The following AIFM3 variants were observed in gnomAD, a reference collection of about 807,000 sequenced individuals.
AIFM3 encodes the protein apoptosis-inducing factor 3.
Under a neutral mutation model 82.7 loss-of-function variants are expected in AIFM3, and 71 were observed. That is an observed-to-expected ratio of 0.86 (90% CI 0.71 to 1.05). The LOEUF is 1.05. AIFM3 is among the 50% of genes least tolerant of loss of function. AIFM3 has a pLI of 0.00. For synonymous variants in AIFM3, 337 were observed against 329.1 expected (o/e 1.02, Z -0.26); for missense variants, 748 against 816.7 (o/e 0.92, Z 1.03).
rs148068410 is a variant in AIFM3 at position 20,970,876 on chromosome 22, T to A, written c.32-2431T>A. Among the ~76,000 whole-genome samples, 940 of 152,390 alleles carry A rather than the reference T, an allele frequency of 6.2e-3. 11 individuals are homozygous for A. The highest frequency in any genetic ancestry group is 0.021 in the African/African-American group (892 of 41,592). On this transcript the variant is annotated intron_variant, in intron 2 of 20. Coordinates refer to ENST00000440238, the MANE Select transcript of AIFM3 (RefSeq NM_001386814.1). ...CCTTGGCCTCCCAAAGTGTTGGGAT[T>A]ACAGGCATGAGCCACCACACCTGGC... is the stretch of plus-strand genomic sequence containing the variant.
intron 3 of AIFM3, 37 bp downstream of exon 3, chr22:20,973,557 G>A (rs1457641421): frequency 6.3e-7 from 1 of 1,584,282 alleles, no homozygotes; most frequent in Non-Finnish European, 8.6e-7. Flanking sequence ...GGGATCAGGG[G>A]TCCCAAGGTG....
Position 20,973,843 on chromosome 22 carries a change from C to T in AIFM3, c.331C>T (p.His111Tyr). 6.4e-7 allele frequency: 1 copy of T among 1,556,708 alleles called. No individual in the cohort carries two copies. The highest frequency in any genetic ancestry group is 8.7e-7 in the Non-Finnish European group (1 of 1,149,602). The change falls in exon 4 of 21, where the codon CAC becomes TAC. Residue 111 changes from histidine to tyrosine, a missense_variant. His to Tyr is a moderately conservative substitution (Grantham distance 83). This residue lies in a region of AIFM3 where 148 missense variants were observed against 134.1 expected (regional missense o/e 1.10). Coordinates refer to ENST00000440238, the MANE Select transcript of AIFM3 (RefSeq NM_001386814.1). ...CCACGCCCTGGGCCATAAGTGTCCG[C>T]ACTACGGCGCACCCCTGGTGAAAGG... Reference protein sequence around the residue: ...EFHALGHKCPHYGAPLVKGVL... With the variant: ...EFHALGHKCPYYGAPLVKGVL...
Position 20,981,136 on chromosome 22 carries a change from C to A in AIFM3, c.*105C>A. The stretch of plus-strand genomic sequence containing the variant: ...AGTCCCAGGATCCCCCAGGGCAGAA[C>A]CTGAGCCCTCCCAGTGCTTGCCTTC... On this transcript the variant is annotated 3_prime_UTR_variant, in exon 21 of 21. Coordinates refer to ENST00000440238, the MANE Select transcript of AIFM3 (RefSeq NM_001386814.1). 1.3e-6 allele frequency: 2 copies of A among 1,503,796 alleles called. No homozygotes were observed. Among genetic ancestry groups the A allele is most frequent in the Non-Finnish European group, 1.8e-6 (2 of 1,100,894 alleles). 93.2% of individuals were successfully genotyped at this position (1,503,796 alleles called of 1,614,324 possible).
In AIFM3 at chr22:20,967,967, C is replaced by T. The variant is rs1386703173; in HGVS notation, c.23C>T (p.Pro8Leu). 6.2e-7 allele frequency: 1 copy of T among 1,614,004 alleles called. No individual in the cohort carries two copies. The highest frequency in any genetic ancestry group is 8.5e-7 in the Non-Finnish European group (1 of 1,179,978). Reference protein sequence around the residue: MGGCFSKPKPVELKIEVV... With the variant: MGGCFSKLKPVELKIEVV... ...GCCATGGGCGGCTGCTTCTCCAAAC[C>T]CAAACCAGGTACCTCCTGTCTTCTT... Residue 8 changes from proline to leucine, a missense_variant, in exon 2 of 21, where the codon CCC becomes CTC. Physicochemically the swap from Pro to Leu is moderately conservative, Grantham distance 98 (BLOSUM62 -3). Coordinates refer to ENST00000440238, the MANE Select transcript of AIFM3 (RefSeq NM_001386814.1).
In AIFM3 at chr22:20,976,395, G is replaced by A. The variant is rs748649192; in HGVS notation, c.900-13G>A. ...GCTGCCAGGAGGCCCTCACTGACAC[G>A]GCCATGTCTCAGCCCCAAGACTCTG... On this transcript the variant is annotated splice_polypyrimidine_tract_variant and intron_variant, in intron 10 of 20. Coordinates refer to ENST00000440238, the MANE Select transcript of AIFM3 (RefSeq NM_001386814.1). 25 of 1,613,698 alleles carry A rather than the reference G, an allele frequency of 1.5e-5. No homozygotes were observed. The highest frequency in any genetic ancestry group is 6.7e-5 in the East Asian group (3 of 44,868).
chr22:20,973,106 C>A, intron 2 of AIFM3, among the ~76,000 whole-genome samples: 1 of 152,086 alleles, frequency 6.6e-6, no homozygotes, highest in South Asian at 2.1e-4. Flanking sequence ...GGGAGCACCC[C>A]CACCCATCCA....
intron 2 of AIFM3, 85 bp downstream of exon 2, chr22:20,968,060 C>A: frequency 7.0e-7 from 1 of 1,433,382 alleles, no homozygotes; most frequent in Non-Finnish European, 9.5e-7. Flanking sequence ...CCTCTGCACT[C>A]GGTAGGCCTC....
chr22:20,973,462 A>G lies in AIFM3; in HGVS notation c.187A>G (p.Ser63Gly). The change falls in exon 3 of 21, where the codon AGC becomes GGC. Residue 63 changes from serine to glycine, a missense_variant. By Grantham distance (56) the Ser-to-Gly change is moderately conservative. Coordinates refer to ENST00000440238, the MANE Select transcript of AIFM3 (RefSeq NM_001386814.1). ...ERLSTPHPYP[S>G]PQDCVEAAVC... ...CCTGTCCACCCCTCACCCCTACCCC[A>G]GCCCTCAGGATTGCGTGGAGGCTGC... 6.2e-7 allele frequency: 1 copy of G among 1,613,126 alleles called. No individual in the cohort carries two copies. The highest frequency in any genetic ancestry group is 8.5e-7 in the Non-Finnish European group (1 of 1,179,982).
chr22:20,967,808 C>A lies in AIFM3; in HGVS notation c.-137C>A. The A allele has an allele frequency of 1.1e-6, 1 of 916,488 alleles. No individual in the cohort carries two copies. The highest frequency in any genetic ancestry group is 1.8e-6 in the Non-Finnish European group (1 of 565,542). 56.8% of individuals were successfully genotyped at this position (916,488 alleles called of 1,614,324 possible). On this transcript the variant is annotated 5_prime_UTR_variant, in exon 2 of 21. Coordinates refer to ENST00000440238, the MANE Select transcript of AIFM3 (RefSeq NM_001386814.1). ...ATGGCTCCAGTCTCCCCTGCAGGTC[C>A]TAGAGCAGCTCCAGCAGGATGGCGG... is the stretch of plus-strand genomic sequence containing the variant.
upstream of AIFM3, chr22:20,965,444 C>T: frequency 6.6e-6 from 1 of 152,344 alleles, no homozygotes; most frequent in Admixed American, 6.5e-5. Flanking sequence ...CGGGGCCCCA[C>T]TGTGTGCCAG....
intron 11 of AIFM3, 45 bp from the exon 12 acceptor site, chr22:20,976,606 G>A (rs565364047): frequency 1.6e-5 from 26 of 1,612,824 alleles, no homozygotes; most frequent in African/African-American, 9.3e-5. Flanking sequence ...AGTTCTGGTC[G>A]AGGAAGGTGC....
chr22:20,980,792 G>A (rs1924057635), intron 20 of AIFM3, 25 bp downstream of exon 20: 2 of 1,614,078 alleles, frequency 1.2e-6, no homozygotes, highest in East Asian at 2.2e-5. Flanking sequence ...CATGTTGACC[G>A]TTCTGAGCCT....
At position 20,977,958 on chromosome 22, in the gene AIFM3, A is replaced by ACAACCGCAAAGTG. The variant is rs1190646180; in HGVS notation, c.1431_1443dup (p.Asn482GlnfsTer74). ...GTCACCTTCCCCCTTGCCTGGAGGA[A>ACAACCGCAAAGTG]CAACCGCAAAGTGAACATTCCACAT... is the stretch of plus-strand genomic sequence containing the variant. On this transcript the variant is annotated frameshift_variant, in exon 16 of 21. Transcript: ENST00000440238. LOFTEE classifies it high-confidence loss of function. 6.2e-7 allele frequency: 1 copy of ACAACCGCAAAGTG among 1,614,132 alleles called. No individual in the cohort carries two copies. The highest frequency in any genetic ancestry group is 8.5e-7 in the Non-Finnish European group (1 of 1,180,010).
chr22:20,965,276 C>G (rs1922801847), upstream of AIFM3: 1 of 151,262 alleles, frequency 6.6e-6, no homozygotes, highest in South Asian at 2.0e-4. Flanking sequence ...GCCTCTTCGC[C>G]CCGGCGCCGG....
chr22:20,967,760 C>T, intron 1 of AIFM3, 45 bp from the exon 2 acceptor site: 1 of 626,182 alleles, frequency 1.6e-6, no homozygotes, highest in Non-Finnish European at 2.9e-6. Context: ...TGTGTCTCTA[C>T]CTGCCCACAC....
rs201015871 is a variant in AIFM3, at chr22:20,974,587, C to T, written c.573C>T (p.Tyr191=). ...MAKCISPSAG[Y]SSSTNVLIVG... ...AGTGTATCTCTCCAAGTGCTGGGTA[C>T]AGCAGTAGCACCAATGTGCTCATTG... The change falls in exon 7 of 21, where the codon TAC becomes TAT. Residue 191 remains tyrosine, a synonymous_variant. Coordinates refer to ENST00000440238, the MANE Select transcript of AIFM3 (RefSeq NM_001386814.1). The T allele has an allele frequency of 1.0e-4, 165 of 1,613,892 alleles. 2 individuals carry two copies. In the East Asian group the frequency reaches 3.7e-3, roughly 36 times the overall value.
chr22:20,978,315 T>C (rs1423032540), intron 16 of AIFM3, among the ~76,000 whole-genome samples: 1 of 151,828 alleles, frequency 6.6e-6, no homozygotes, highest in African/African-American at 2.4e-5. Flanking sequence ...GAGGGAGGGA[T>C]TTAGTGGATC....
At position 20,981,027 on chromosome 22, in the gene AIFM3, C is replaced by T. The variant is rs1186512010; in HGVS notation, c.1814C>T (p.Ser605Phe). Residue 605 changes from serine (S) to phenylalanine (F), a missense_variant, in exon 21 of 21, where the codon TCC (serine) becomes TTC (phenylalanine). Coordinates refer to ENST00000440238, the MANE Select transcript of AIFM3 (RefSeq NM_001386814.1). Reference sequence around the variant, plus strand: ...ATGTCCTGGCTTACGGGGAAAGGATCCTGAGCTCACATGCAGTAGACTTGG... The same window carrying T: ...ATGTCCTGGCTTACGGGGAAAGGATTCTGAGCTCACATGCAGTAGACTTGG... ...GDMSWLTGKG[S>F] is the part of the protein sequence containing the mutation. The T allele has an allele frequency of 6.2e-7, 1 of 1,614,046 alleles. No individual in the cohort carries two copies. The highest frequency in any genetic ancestry group is 8.5e-7 in the Non-Finnish European group (1 of 1,180,030).
intron 2 of AIFM3, among the ~76,000 whole-genome samples, chr22:20,968,813 C>A (rs73164811): frequency 0.24 from 36,487 of 152,026 alleles, 5,306 homozygotes; most frequent in Middle Eastern, 0.34. Context: ...CCAGCTCACC[C>A]CAGCCAGCTC....
Sources: allele counts gnomAD v4.1 joint callset (sites outside exome capture counted in the v4.1 genomes callset), GRCh38; gene constraint gnomAD v4.1.1; regional missense constraint gnomAD v4.1.1; transcripts MANE v1.5; gene names NCBI Gene and HGNC (gene_info 2026-07-23, HGNC 2026-07-21).